Variants in KIF3C observed in about 807,000 individuals in gnomAD.
KIF3C encodes kinesin-like protein KIF3C.
In KIF3C, 12 loss-of-function variants were observed where a neutral mutation model predicts 67.7. The ratio of observed to expected loss-of-function variants is 0.18; its 90% CI spans 0.11 to 0.29. The LOEUF (loss-of-function observed/expected upper bound fraction) is 0.29, where lower values mean the gene tolerates loss of function less well. Ranked by LOEUF, KIF3C falls within the 10% of genes least tolerant of loss-of-function variation. The probability of loss-of-function intolerance (pLI) is 1.00; values close to 1 mark genes in which losing one functional copy is unlikely to be tolerated. For synonymous variants in KIF3C, 393 were observed against 426.2 expected, an observed-to-expected ratio of 0.92 and a Z score of 0.96; for missense variants, 789 against 1,059.6, an observed-to-expected ratio of 0.74 and a Z score of 3.55.
chr2:25,975,743 G>A (rs1574498431), intron 1 of KIF3C, among the ~76,000 whole-genome samples: 1 of 152,090 alleles, frequency 6.6e-6, no homozygotes, highest in Non-Finnish European at 1.5e-5. Flanking sequence ...TGGATCATGA[G>A]GTCAGGAGAT....
At chr2:25,961,691 T>A (rs59029073) in intron 1 of KIF3C, among the ~76,000 whole-genome samples, 1 of 152,166 alleles carries the variant, frequency 6.6e-6, no homozygotes, top group South Asian at 2.1e-4. Context: ...AACAAAACAT[T>A]GTACCCTCAT....
intron 5 of KIF3C, 128 bp from the exon 6 acceptor site, chr2:25,930,191 T>G: frequency 1.4e-6 from 1 of 701,726 alleles, no homozygotes; most frequent in Non-Finnish European, 2.5e-6. Flanking sequence ...AATTTTCTTC[T>G]CCTTGCTCTA....
intron 5 of KIF3C, among the ~76,000 whole-genome samples, chr2:25,936,468 C>A (rs2149223495): frequency 6.6e-6 from 1 of 152,236 alleles, no homozygotes; most frequent in Non-Finnish European, 1.5e-5. Flanking sequence ...TGCCTTTCTG[C>A]AATATCTCAA....
In KIF3C at chr2:25,980,351, C is replaced by T. The variant is rs764111138; in HGVS notation, c.1545+22G>A. On this transcript the variant is annotated intron_variant, in intron 1 of 7. Coordinates refer to ENST00000264712, the MANE Select transcript of KIF3C (RefSeq NM_002254.8). The surrounding 1 kb of genome is among the most constrained non-coding windows in gnomAD (Gnocchi z 7.6). The stretch of plus-strand genomic sequence containing the variant: ...TCCCCTGCGGGGACATCTCGAGTGC[C>T]CAGCTCCTCTGGGGCCCTTACCTTG... 1.7e-5 allele frequency: 27 copies of T among 1,591,324 alleles called. No homozygotes were observed. In the African/African-American group the frequency reaches 3.5e-4, roughly 21 times the overall value.
In KIF3C at chr2:25,962,960, T is replaced by A. The variant is rs868803885; in HGVS notation, c.1546-6516A>T. ...ATAATATATAATATATAATATATAA[T>A]ATATATAATATATAATATATAATAT... On this transcript the variant is annotated intron_variant, in intron 1 of 7. Coordinates refer to ENST00000264712, the MANE Select transcript of KIF3C (RefSeq NM_002254.8). Among the ~76,000 whole-genome samples, 125 of 31,928 alleles carry A rather than the reference T, an allele frequency of 3.9e-3. 8 individuals carry two copies. The highest frequency in any genetic ancestry group is 0.01 in the African/African-American group (44 of 4,198). 20.9% of individuals were successfully genotyped at this position (31,928 alleles called of 152,430 possible).
At chr2:25,946,572 CG>C (rs1463760103) in intron 5 of KIF3C, among the ~76,000 whole-genome samples, 1 of 152,092 alleles carries the variant, frequency 6.6e-6, no homozygotes, top group Admixed American at 6.6e-5. Context: ...CCTGTAATCC[CG>C]GTTACTCAGG....
Position 25,968,701 on chromosome 2 carries a change from C to T in KIF3C, c.1545+11672G>A, listed in dbSNP as rs2149241016. Among the ~76,000 whole-genome samples the T allele has an allele frequency of 2.0e-5, 3 of 152,288 alleles. No homozygotes were observed. In the South Asian group the frequency reaches 6.2e-4, roughly 32 times the overall value. ...GGTCCTGGGTCACACAGCCTCTAGG[C>T]TCCCAGTCAAGGCTGGGTCATTCCT... On this transcript the variant is annotated intron_variant, in intron 1 of 7. Coordinates refer to ENST00000264712, the MANE Select transcript of KIF3C (RefSeq NM_002254.8).
chr2:25,963,194 ATATTTTTTT>A (rs1201946826), intron 1 of KIF3C, among the ~76,000 whole-genome samples: 3 of 52,852 alleles, frequency 5.7e-5, no homozygotes, highest in East Asian at 1.6e-3. Context: ...ATATATATAT[ATATTTTTTT>A]TTTTTTTTTT....
At chr2:25,979,260 G>A (rs768013464) in intron 1 of KIF3C, among the ~76,000 whole-genome samples, 3 of 152,134 alleles carry the variant, frequency 2.0e-5, no homozygotes, top group Non-Finnish European at 4.4e-5. Context: ...GACTGGACAG[G>A]GAGGGGCCTC....
At chr2:25,959,881 C>T (rs565257271) in intron 1 of KIF3C, among the ~76,000 whole-genome samples, 1 of 152,260 alleles carries the variant, frequency 6.6e-6, no homozygotes, top group South Asian at 2.1e-4. Context: ...GAGGAGGCCC[C>T]TACTGTTGTG....
At chr2:25,964,377 A>G (rs1342973000) in intron 1 of KIF3C, among the ~76,000 whole-genome samples, 1 of 151,406 alleles carries the variant, frequency 6.6e-6, no homozygotes, top group African/African-American at 2.4e-5. Context: ...TTCATTTTAT[A>G]TTCTCCATAC....
intron 5 of KIF3C, among the ~76,000 whole-genome samples, chr2:25,951,102 A>G (rs183798681): frequency 1.3e-5 from 2 of 150,080 alleles, no homozygotes; most frequent in East Asian, 4.0e-4. Flanking sequence ...CCTCCTAAGC[A>G]CCTCTCTCTA....
At chr2:25,954,809 G>A (rs1343559273) in intron 3 of KIF3C, among the ~76,000 whole-genome samples, 1 of 152,212 alleles carries the variant, frequency 6.6e-6, no homozygotes, top group African/African-American at 2.4e-5. Flanking sequence ...CAGGAAGCCT[G>A]AACGAGTTTG....
intron 5 of KIF3C, among the ~76,000 whole-genome samples, chr2:25,930,887 C>T (rs1268675598): frequency 5.3e-5 from 8 of 151,812 alleles, no homozygotes; most frequent in Admixed American, 2.0e-4. Context: ...GGTTTTACCA[C>T]GTTGGCCAAG....
At position 25,939,467 on chromosome 2, in the gene KIF3C, C is replaced by T. The variant is rs527363570; in HGVS notation, c.2007-9404G>A. Among the ~76,000 whole-genome samples the T allele has an allele frequency of 1.2e-4, 19 of 152,244 alleles. No homozygotes were observed. The East Asian group carries it at 3.3e-3, about 26-fold the overall frequency. The stretch of plus-strand genomic sequence containing the variant: ...TCCCATTTCCCCTCCATGCTGTCCC[C>T]GACCCGCCTGGGAAGCTGCAACTGC... On this transcript the variant is annotated intron_variant, in intron 5 of 7. Coordinates refer to ENST00000264712, the MANE Select transcript of KIF3C (RefSeq NM_002254.8).
chr2:25,942,498 C>T (rs1663318148), intron 5 of KIF3C, among the ~76,000 whole-genome samples: 1 of 151,586 alleles, frequency 6.6e-6, no homozygotes, highest in Non-Finnish European at 1.5e-5. Flanking sequence ...GCAACCTCTG[C>T]CTCCTGGGTT....
In KIF3C at chr2:25,956,975, G is replaced by A. The variant is rs561902639; in HGVS notation, c.1546-531C>T. Among the ~76,000 whole-genome samples, 6 of 152,298 alleles carry A rather than the reference G, an allele frequency of 3.9e-5. No individual in the cohort carries two copies. In the East Asian group the frequency reaches 7.7e-4, roughly 20 times the overall value. Reference sequence around the variant, plus strand: ...ACTGCACAGCAAGAAGGAACAGCACGGGCCCAGCACAGCAGGAGCTTTGGA... The same window carrying A: ...ACTGCACAGCAAGAAGGAACAGCACAGGCCCAGCACAGCAGGAGCTTTGGA... On this transcript the variant is annotated intron_variant, in intron 1 of 7. Coordinates refer to ENST00000264712, the MANE Select transcript of KIF3C (RefSeq NM_002254.8).
At position 25,948,676 on chromosome 2, in the gene KIF3C, GAGAA is replaced by G. The variant is rs755304162; in HGVS notation, c.2006+3109_2006+3112del. On this transcript the variant is annotated intron_variant, in intron 5 of 7. Coordinates refer to ENST00000264712, the MANE Select transcript of KIF3C (RefSeq NM_002254.8). ...AGAAAGAGAAAGAGAGAAAGAGAGA[GAGAA>G]AGAAAGAAAGGAAGGAAAGAAGGAA... 4.8e-3 allele frequency among the ~76,000 whole-genome samples: 665 copies of G among 139,306 alleles called. 4 individuals are homozygous for G. Among genetic ancestry groups the G allele is most frequent in the African/African-American group, 0.012 (438 of 37,278 alleles). 91.4% of individuals were successfully genotyped at this position (139,306 alleles called of 152,430 possible). A position where few individuals can be genotyped will look rare whatever the true frequency, so the allele number is the denominator to read the frequency against.
intron 1 of KIF3C, among the ~76,000 whole-genome samples, chr2:25,979,440 A>G (rs1470539947): frequency 2.0e-5 from 3 of 152,094 alleles, no homozygotes; most frequent in Non-Finnish European, 4.4e-5. Context: ...TAGGCCATAG[A>G]ATTATCAGAT....
Sources: allele counts gnomAD v4.1 joint callset (sites outside exome capture counted in the v4.1 genomes callset), GRCh38; gene constraint gnomAD v4.1.1; non-coding constraint Gnocchi (gnomAD v3.1); transcripts MANE v1.5; gene names NCBI Gene and HGNC (gene_info 2026-07-23, HGNC 2026-07-21).